Variants in FARS2 observed in about 807,000 individuals in gnomAD.
FARS2 encodes phenylalanine--tRNA ligase, mitochondrial.
In FARS2, 40 loss-of-function variants were observed where a neutral mutation model predicts 46.4. That is an observed-to-expected ratio of 0.86 (90% CI 0.67 to 1.12). FARS2 has a LOEUF of 1.12. FARS2 is among the 50% of genes most tolerant of loss of function. The pLI is 0.00. For missense variants in FARS2, 513 were observed against 567.9 expected (o/e 0.90, Z 0.98); for synonymous variants, 234 against 214.9 (o/e 1.09, Z -0.78).
intron 3 of FARS2, among the ~76,000 whole-genome samples, chr6:5,424,493 A>G (rs529833906): frequency 3.9e-5 from 6 of 152,330 alleles, no homozygotes; most frequent in Admixed American, 3.3e-4. Flanking sequence ...TCATGTGGAG[A>G]GGCCTCCAGA....
At chr6:5,717,397 A>G (rs2205867) in intron 6 of FARS2, among the ~76,000 whole-genome samples, 139,534 of 151,128 alleles carry the variant, frequency 0.92, 64,557 homozygotes, top group East Asian at 1. Flanking sequence ...GTGTCTATGT[A>G]TATCTCTCTC....
At chr6:5,387,279 G>A (rs775040999) in intron 2 of FARS2, among the ~76,000 whole-genome samples, 5 of 152,184 alleles carry the variant, frequency 3.3e-5, no homozygotes, top group African/African-American at 7.2e-5. Context: ...TATCCAAGAC[G>A]CGAGGAGATG....
chr6:5,763,279 C>G (rs1762584986), intron 6 of FARS2, among the ~76,000 whole-genome samples: 1 of 152,116 alleles, frequency 6.6e-6, no homozygotes, highest in South Asian at 2.1e-4. Flanking sequence ...TAGCGAGACC[C>G]TGTCTCTACA....
At chr6:5,654,787 G>A (rs934312756) in intron 6 of FARS2, among the ~76,000 whole-genome samples, 50 of 152,084 alleles carry the variant, frequency 3.3e-4, no homozygotes, top group African/African-American at 1.2e-3. Context: ...ACTTATACGT[G>A]GATTTTCTTC....
chr6:5,480,213 G>A (rs1043070324), intron 4 of FARS2, among the ~76,000 whole-genome samples: 4 of 152,196 alleles, frequency 2.6e-5, no homozygotes, highest in African/African-American at 9.7e-5. Flanking sequence ...TCGTCTAAAC[G>A]GATGCGCCAG....
intron 6 of FARS2, among the ~76,000 whole-genome samples, chr6:5,735,478 G>A (rs4959353): frequency 0.42 from 63,617 of 151,830 alleles, 14,072 homozygotes; most frequent in East Asian, 0.8. Context: ...CCGCTCCATC[G>A]CTCCTTGCTG....
chr6:5,639,840 G>T (rs761214374), intron 6 of FARS2, among the ~76,000 whole-genome samples: 6 of 152,148 alleles, frequency 3.9e-5, no homozygotes, highest in Non-Finnish European at 8.8e-5. Context: ...CACATCCTGG[G>T]CATTGGCTGG....
At chr6:5,620,579 C>T (rs1216395656) in intron 6 of FARS2, among the ~76,000 whole-genome samples, 1 of 152,192 alleles carries the variant, frequency 6.6e-6, no homozygotes, top group Non-Finnish European at 1.5e-5. Flanking sequence ...TATTCCATTT[C>T]ATTTTCTCAC....
intron 1 of FARS2, among the ~76,000 whole-genome samples, chr6:5,282,498 G>A (rs932246960): frequency 2.0e-5 from 3 of 152,206 alleles, no homozygotes; most frequent in African/African-American, 7.2e-5. Context: ...AGACAATCAT[G>A]ACATGGGCAT....
At chr6:5,345,269 T>A (rs1178161265) in intron 1 of FARS2, among the ~76,000 whole-genome samples, 1 of 151,872 alleles carries the variant, frequency 6.6e-6, no homozygotes, top group African/African-American at 2.4e-5. Context: ...TTGCTGGAGG[T>A]GTTAGTAAGA....
chr6:5,674,684 G>A (rs1778667031), intron 6 of FARS2, among the ~76,000 whole-genome samples: 1 of 152,104 alleles, frequency 6.6e-6, no homozygotes, highest in African/African-American at 2.4e-5. Flanking sequence ...TTGAGGGGGT[G>A]GATGGAGGTG....
At chr6:5,712,676 C>G (rs939983267) in intron 6 of FARS2, among the ~76,000 whole-genome samples, 5 of 152,240 alleles carry the variant, frequency 3.3e-5, no homozygotes, top group African/African-American at 9.6e-5. Context: ...ATCATAAAGC[C>G]TGCAGCCTTT....
At chr6:5,549,032 A>G (rs1339610501) in intron 5 of FARS2, among the ~76,000 whole-genome samples, 1 of 152,202 alleles carries the variant, frequency 6.6e-6, no homozygotes, top group Non-Finnish European at 1.5e-5. Flanking sequence ...CCACAAATCT[A>G]GTAGCTTAAA....
At chr6:5,636,902 G>A (rs964617831) in intron 6 of FARS2, among the ~76,000 whole-genome samples, 11 of 152,216 alleles carry the variant, frequency 7.2e-5, no homozygotes, top group East Asian at 1.9e-4. Flanking sequence ...CAGCTGGTGC[G>A]GCAAAGGGAC....
intron 6 of FARS2, among the ~76,000 whole-genome samples, chr6:5,619,526 A>C (rs116627726): frequency 0.012 from 1,902 of 152,296 alleles, 45 homozygotes; most frequent in African/African-American, 0.044. Flanking sequence ...CCTCAACCCC[A>C]GGTCACTAAA....
chr6:5,733,171 A>G (rs1225270174), intron 6 of FARS2, among the ~76,000 whole-genome samples: 4 of 152,254 alleles, frequency 2.6e-5, no homozygotes, highest in Admixed American at 2.6e-4. Flanking sequence ...ATTTTTGAAG[A>G]GAAGCAATTG....
chr6:5,716,513 G>A (rs779916345), intron 6 of FARS2, among the ~76,000 whole-genome samples: 4 of 152,084 alleles, frequency 2.6e-5, no homozygotes, highest in Non-Finnish European at 4.4e-5. Flanking sequence ...ATTTCTCCCC[G>A]CCAACAAGCA....
At chr6:5,312,805 A>G (rs6924892) in intron 1 of FARS2, among the ~76,000 whole-genome samples, 15,661 of 152,236 alleles carry the variant, frequency 0.1, 864 homozygotes, top group South Asian at 0.16. Context: ...AATAGCAAAG[A>G]CACAGCCCTT....
chr6:5,443,365 C>A (rs911042265), intron 4 of FARS2, among the ~76,000 whole-genome samples: 1 of 152,182 alleles, frequency 6.6e-6, no homozygotes, highest in Non-Finnish European at 1.5e-5. Flanking sequence ...AAGTTCTTCA[C>A]CCCTCCCTGT....
Sources: gnomAD v4.1 joint callset for allele counts (sites outside exome capture counted in the v4.1 genomes callset) on GRCh38, gnomAD v4.1.1 for gene constraint, MANE v1.5 for transcripts, NCBI Gene and HGNC (gene_info 2026-07-23, HGNC 2026-07-21) for gene names.